The following FSIP2 variants were observed in gnomAD, a reference collection of about 807,000 sequenced individuals.
FSIP2 encodes fibrous sheath-interacting protein 2.
Under a neutral mutation model 510.5 loss-of-function variants are expected in FSIP2, and 367 were observed. That is an observed-to-expected ratio of 0.72 (90% CI 0.66 to 0.78). The LOEUF is 0.78. Among genes scored for constraint, FSIP2 ranks in the 30% least tolerant of loss-of-function variants. The probability of loss-of-function intolerance (pLI) is 0.00; values close to 1 mark genes in which losing one functional copy is unlikely to be tolerated. For synonymous variants in FSIP2, 2,601 were observed against 2,732.2 expected (o/e 0.95, Z 1.50); for missense variants, 7,594 against 7,901.7 (o/e 0.96, Z 1.48).
At position 185,806,255 on chromosome 2, in the gene FSIP2, G is replaced by C; in HGVS notation, c.16949G>C (p.Arg5650Pro). The C allele has an allele frequency of 6.2e-7, 1 of 1,609,854 alleles. No homozygotes were observed. Among genetic ancestry groups the C allele is most frequent in the South Asian group, 1.1e-5 (1 of 90,722 alleles). Reference sequence around the variant, plus strand: ...ACAGATACTTTGGAAATAAGAATTCGAACATCAAGCAATGAGGGGAGAAGA... The same window carrying C: ...ACAGATACTTTGGAAATAAGAATTCCAACATCAAGCAATGAGGGGAGAAGA... ...TTTDTLEIRIRTSSNEGRRDS... is the reference protein window; with the variant it reads ...TTTDTLEIRIPTSSNEGRRDS... Residue 5650 changes from arginine (R) to proline (P), a missense_variant, in exon 17 of 23, where the codon CGA becomes CCA. Coordinates refer to ENST00000424728, the MANE Select transcript of FSIP2 (RefSeq NM_173651.4).
intron 13 of FSIP2, among the ~76,000 whole-genome samples, chr2:185,778,782 A>G (rs1046877810): frequency 1.3e-5 from 2 of 152,030 alleles, no homozygotes; most frequent in Non-Finnish European, 2.9e-5. Flanking sequence ...TTTCAAATAT[A>G]TAGCTTATTA....
chr2:185,746,765 G>A lies in FSIP2; in HGVS notation c.714G>A (p.Arg238=). 3.3e-6 allele frequency: 5 copies of A among 1,529,650 alleles called. No homozygotes were observed. The highest frequency in any genetic ancestry group is 2.0e-5 in the Admixed American group (1 of 49,804). The allele number at this position is 1,529,650 out of a possible 1,614,324, so 94.8% of individuals were successfully genotyped here. Residue 238 remains arginine (R), a synonymous_variant, in exon 6 of 23, where the codon CGG becomes CGA. Coordinates refer to ENST00000424728, the MANE Select transcript of FSIP2 (RefSeq NM_173651.4). ...TGGATAGAGAAGAAAGACGACAGCG[G>A]GAACACACAAGAAGAAAACTTACTC... The part of the protein sequence containing the change: ...FLMDREERRQ[R]EHTRRKLTLR...
At position 185,793,382 on chromosome 2, in the gene FSIP2, T is replaced by C. The variant is rs1693185832; in HGVS notation, c.6246T>C (p.Tyr2082=). 6.5e-7 allele frequency: 1 copy of C among 1,533,866 alleles called. No individual in the cohort carries two copies. The highest frequency in any genetic ancestry group is 1.4e-5 in the African/African-American group (1 of 72,946). ...AAAAGCTGCTCAATGAGACCAAATA[T>C]CGAAAAGTACTTCAACTTCAAATAC... The part of the protein sequence containing the change: ...VIEKLLNETK[Y]RKVLQLQIQD... Residue 2082 remains tyrosine, a synonymous_variant, in exon 16 of 23, where the codon TAT becomes TAC. Transcript: ENST00000424728.
chr2:185,818,098 A>T (rs1162368306), intron 19 of FSIP2, among the ~76,000 whole-genome samples: 1 of 151,918 alleles, frequency 6.6e-6, no homozygotes, highest in Non-Finnish European at 1.5e-5. Flanking sequence ...AAAACATCAC[A>T]TGTAACCCAT....
Position 185,804,394 on chromosome 2 carries a change from G to T in FSIP2, c.15088G>T (p.Gly5030Ter), listed in dbSNP as rs1449895888. 5 of 1,504,344 alleles carry T rather than the reference G, an allele frequency of 3.3e-6. No homozygotes were observed. Among genetic ancestry groups the T allele is most frequent in the Non-Finnish European group, 3.5e-6 (4 of 1,130,944 alleles). The allele number at this position is 1,504,344 out of a possible 1,614,324, so 93.2% of individuals were successfully genotyped here. ...TCAAAAAATAGTCAACTCAGTATAT[G>T]GAAAAGTATTAGATCAATATAAATC... ...MVQKIVNSVYGKVLDQYKSLI... is the reference protein window; with the variant it reads ...MVQKIVNSVY The change falls in exon 17 of 23, where the codon GGA becomes TGA. Residue 5030 changes from glycine (G) to a stop codon, truncating the protein, a stop_gained. Coordinates refer to ENST00000424728, the MANE Select transcript of FSIP2 (RefSeq NM_173651.4). LOFTEE classifies it high-confidence loss of function.
chr2:185,792,205 T>C lies in FSIP2; in HGVS notation c.5069T>C (p.Val1690Ala). ...GTAGTCAAGTTAATTTTAGATGCAGTATCTTCCGATATGTTTAATGAAATG... is the reference window on the plus strand; with the variant it reads ...GTAGTCAAGTTAATTTTAGATGCAGCATCTTCCGATATGTTTAATGAAATG... Reference protein sequence around the residue: ...KYVVKLILDAVSSDMFNEMES... With the variant: ...KYVVKLILDAASSDMFNEMES... The change falls in exon 16 of 23, where the codon GTA becomes GCA. Residue 1690 changes from valine (V) to alanine (A), a missense_variant. Transcript: ENST00000424728. 6.5e-7 allele frequency: 1 copy of C among 1,532,260 alleles called. No individual in the cohort carries two copies. The highest frequency in any genetic ancestry group is 2.0e-5 in the Admixed American group (1 of 50,666). The allele number at this position is 1,532,260 out of a possible 1,614,324, so 94.9% of individuals were successfully genotyped here.
rs1693384214 is a variant in FSIP2 at position 185,799,860 on chromosome 2, C to T, written c.10554C>T (p.Thr3518=). Reference sequence around the variant, plus strand: ...TAACTTCGAGCATTTCTGATGGCACCAAAAAGGGTAGAGAAAAAGAGAAAG... The same window carrying T: ...TAACTTCGAGCATTTCTGATGGCACTAAAAAGGGTAGAGAAAAAGAGAAAG... ...YHLTSSISDG[T]KKGREKEKAW... Residue 3518 remains threonine (T), a synonymous_variant, in exon 17 of 23, where the codon ACC becomes ACT. Coordinates refer to ENST00000424728, the MANE Select transcript of FSIP2 (RefSeq NM_173651.4). The T allele has an allele frequency of 1.1e-5, 17 of 1,532,448 alleles. No homozygotes were observed. The highest frequency in any genetic ancestry group is 1.4e-5 in the African/African-American group (1 of 72,664). The allele number at this position is 1,532,448 out of a possible 1,614,324, so 94.9% of individuals were successfully genotyped here.
chr2:185,807,509 A>G lies in FSIP2; in HGVS notation c.18203A>G (p.Gln6068Arg), dbSNP rs1470059660. Residue 6068 changes from glutamine to arginine, a missense_variant, in exon 17 of 23, where the codon CAG (glutamine) becomes CGG (arginine). Physicochemically the swap from Gln to Arg is conservative, Grantham distance 43. Transcript: ENST00000424728. The stretch of plus-strand genomic sequence containing the variant: ...TCCCAAGATAAATATATGACTATAC[A>G]GTATGTAGAAACCTTACAATCTGAT... ...EISQDKYMTI[Q>R]YVETLQSDDD... 1 of 1,611,428 alleles carries G rather than the reference A, an allele frequency of 6.2e-7. No individual in the cohort carries two copies. Among genetic ancestry groups the G allele is most frequent in the East Asian group, 2.2e-5 (1 of 44,816 alleles).
chr2:185,831,207 T>G (rs1694102189), intron 21 of FSIP2, among the ~76,000 whole-genome samples: 1 of 151,890 alleles, frequency 6.6e-6, no homozygotes, highest in African/African-American at 2.4e-5. Flanking sequence ...AATCTACCAT[T>G]TTAGAATAGC....
At position 185,800,651 on chromosome 2, in the gene FSIP2, A is replaced by T; in HGVS notation, c.11345A>T (p.Glu3782Val). 1 of 1,534,208 alleles carries T rather than the reference A, an allele frequency of 6.5e-7. No individual in the cohort carries two copies. The highest frequency in any genetic ancestry group is 8.7e-7 in the Non-Finnish European group (1 of 1,145,684). Residue 3782 changes from glutamate (E) to valine (V), a missense_variant, in exon 17 of 23, where the codon GAA (glutamate) becomes GTA (valine). By Grantham distance (121) the Glu-to-Val change is moderately radical (BLOSUM62 -2). Coordinates refer to ENST00000424728, the MANE Select transcript of FSIP2 (RefSeq NM_173651.4). ...AFPDKGSVSE[E>V]TSAEECQLLK... Reference sequence around the variant, plus strand: ...CCTGATAAAGGGTCTGTTTCAGAGGAAACATCAGCAGAAGAATGTCAACTT... The same window carrying T: ...CCTGATAAAGGGTCTGTTTCAGAGGTAACATCAGCAGAAGAATGTCAACTT...
At chr2:185,758,598 C>T (rs893714134) in intron 9 of FSIP2, among the ~76,000 whole-genome samples, 2 of 151,070 alleles carry the variant, frequency 1.3e-5, no homozygotes, top group Non-Finnish European at 3.0e-5. Context: ...TCATTGTCTT[C>T]ATGTTGTAAC....
chr2:185,797,009 C>T lies in FSIP2; in HGVS notation c.9873C>T (p.Phe3291=), dbSNP rs1488592279. The T allele has an allele frequency of 6.5e-7, 1 of 1,535,028 alleles. No homozygotes were observed. The highest frequency in any genetic ancestry group is 1.4e-5 in the African/African-American group (1 of 72,924). Residue 3291 remains phenylalanine, a synonymous_variant, in exon 16 of 23, where the codon TTC becomes TTT. Coordinates refer to ENST00000424728, the MANE Select transcript of FSIP2 (RefSeq NM_173651.4). ...CAGCATTAAAGCAAGTCTTGTCATT[C>T]ATAGAAATGGGAAAAGGTGAAAATC... ...TEAALKQVLS[F]IEMGKGENLR... is the part of the protein sequence containing the mutation.
At chr2:185,772,173 T>A (rs1216310480) in intron 13 of FSIP2, among the ~76,000 whole-genome samples, 1 of 152,170 alleles carries the variant, frequency 6.6e-6, no homozygotes, top group Non-Finnish European at 1.5e-5. Flanking sequence ...CACCACCATT[T>A]AACCAGTCCC....
At chr2:185,770,851 A>G (rs1349277621) in intron 13 of FSIP2, among the ~76,000 whole-genome samples, 4 of 152,168 alleles carry the variant, frequency 2.6e-5, no homozygotes. Flanking sequence ...GAGCTTCTGA[A>G]ATCAAAAACA....
chr2:185,740,406 G>A (rs2370475), intron 2 of FSIP2: 49,246 of 152,082 alleles, frequency 0.32, 8,230 homozygotes, highest in Middle Eastern at 0.42. Context: ...CTTTGACTAA[G>A]TAGTCAATGC....
rs190877383 is a variant in FSIP2, at chr2:185,746,763, C to A, written c.712C>A (p.Arg238=). The A allele has an allele frequency of 2.6e-6, 4 of 1,529,324 alleles. No homozygotes were observed. In the African/African-American group the frequency reaches 4.1e-5, roughly 16 times the overall value. 94.7% of individuals were successfully genotyped at this position (1,529,324 alleles called of 1,614,324 possible). Residue 238 remains arginine (R), a synonymous_variant, in exon 6 of 23, where the codon CGG becomes AGG. Coordinates refer to ENST00000424728, the MANE Select transcript of FSIP2 (RefSeq NM_173651.4). ...AATGGATAGAGAAGAAAGACGACAG[C>A]GGGAACACACAAGAAGAAAACTTAC... ...FLMDREERRQ[R]EHTRRKLTLR...
intron 21 of FSIP2, among the ~76,000 whole-genome samples, chr2:185,830,953 C>T (rs1475768355): frequency 6.6e-6 from 1 of 151,880 alleles, no homozygotes; most frequent in East Asian, 1.9e-4. Flanking sequence ...AGTTGAGAAT[C>T]AGTACTTTAC....
intron 19 of FSIP2, among the ~76,000 whole-genome samples, chr2:185,820,683 A>G (rs1447397523): frequency 6.6e-6 from 1 of 151,668 alleles, no homozygotes; most frequent in Admixed American, 6.6e-5. Context: ...GCAGAAGGAA[A>G]AACAAAAACA....
Position 185,790,914 on chromosome 2 carries a change from A to T in FSIP2, c.3778A>T (p.Asn1260Tyr), listed in dbSNP as rs1559026066. ...TGAACCTAAACCTGTAGATGACATT[A>T]ATGATAAGATCATTCGTACAATTTT... ...KSEPKPVDDI[N>Y]DKIIRTIFKR... The change falls in exon 16 of 23, where the codon AAT becomes TAT. Residue 1260 changes from asparagine (N) to tyrosine (Y), a missense_variant. Asn to Tyr is a moderately radical substitution (Grantham distance 143). Transcript: ENST00000424728. 1.3e-6 allele frequency: 2 copies of T among 1,527,358 alleles called. No individual in the cohort carries two copies. The highest frequency in any genetic ancestry group is 2.4e-5 in the South Asian group (2 of 82,222). 94.6% of individuals were successfully genotyped at this position (1,527,358 alleles called of 1,614,324 possible).
Sources: allele counts gnomAD v4.1 joint callset (sites outside exome capture counted in the v4.1 genomes callset), GRCh38; gene constraint gnomAD v4.1.1; transcripts MANE v1.5; gene names NCBI Gene and HGNC (gene_info 2026-07-23, HGNC 2026-07-21).